The following TOMM70 variants were observed in gnomAD, a reference collection of about 807,000 sequenced individuals.
The protein encoded by TOMM70 is mitochondrial import receptor subunit TOM70.
In TOMM70, 13 loss-of-function variants were observed where a neutral mutation model predicts 73.6. The observed-to-expected ratio is 0.18, with a 90% CI of 0.11 to 0.28. TOMM70 has a LOEUF of 0.28. Ranked by LOEUF, TOMM70 falls within the 10% of genes least tolerant of loss-of-function variation. The pLI is 1.00. For synonymous variants in TOMM70, 257 were observed against 271.2 expected, an observed-to-expected ratio of 0.95 and a Z score of 0.51; for missense variants, 609 against 747.5, an observed-to-expected ratio of 0.81 and a Z score of 2.16.
At chr3:100,368,917 T>C in intron 10 of TOMM70, 121 bp downstream of exon 10, 1 of 674,250 alleles carries the variant, frequency 1.5e-6, no homozygotes, top group Non-Finnish European at 2.5e-6. Flanking sequence ...TCTAGGAGCA[T>C]TAAGAAGTTT....
At chr3:100,386,462 CAA>C in intron 2 of TOMM70, 118 bp from the exon 3 acceptor site, 1 of 1,098,470 alleles carries the variant, frequency 9.1e-7, no homozygotes, top group Non-Finnish European at 1.2e-6. Flanking sequence ...ATTCCTAATA[CAA>C]AGAGTTAATA....
At position 100,386,354 on chromosome 3, in the gene TOMM70, A is replaced by G. The variant is rs1706692360; in HGVS notation, c.499-10T>C. On this transcript the variant is annotated splice_polypyrimidine_tract_variant and intron_variant, in intron 2 of 11. Transcript: ENST00000284320. ...CTTCTTTCCATTTTTGCTGTAATTG[A>G]AAGTATTTAAAAAAAGTCACACTAA... 2 of 1,591,508 alleles carry G rather than the reference A, an allele frequency of 1.3e-6. No individual in the cohort carries two copies. Among genetic ancestry groups the G allele is most frequent in the Non-Finnish European group, 1.7e-6 (2 of 1,170,520 alleles).
chr3:100,367,565 G>C (rs1207148914), intron 11 of TOMM70, among the ~76,000 whole-genome samples: 1 of 152,144 alleles, frequency 6.6e-6, no homozygotes, highest in African/African-American at 2.4e-5. Flanking sequence ...AATTGAAATA[G>C]TACTTAGGAA....
At chr3:100,373,279 T>C (rs1401458416) in intron 8 of TOMM70, among the ~76,000 whole-genome samples, 1 of 152,172 alleles carries the variant, frequency 6.6e-6, no homozygotes. Flanking sequence ...TTGCTCTTTA[T>C]ATTGATTTAT....
chr3:100,399,826 C>T (rs1706870286), intron 1 of TOMM70, among the ~76,000 whole-genome samples: 1 of 150,870 alleles, frequency 6.6e-6, no homozygotes, highest in African/African-American at 2.4e-5. Flanking sequence ...TTGCTGTGGC[C>T]GCTACTCTTG....
chr3:100,389,671 G>A (rs1239235196), intron 1 of TOMM70, among the ~76,000 whole-genome samples: 2 of 152,194 alleles, frequency 1.3e-5, no homozygotes, highest in Non-Finnish European at 2.9e-5. Context: ...TGTCCAGATA[G>A]TTTTACTGAT....
rs188749212 is a variant in TOMM70, at chr3:100,391,146, A to C, written c.325-4168T>G. 2.1e-3 allele frequency among the ~76,000 whole-genome samples: 314 copies of C among 152,350 alleles called. 1 individual carries two copies. Among genetic ancestry groups the C allele is most frequent in the African/African-American group, 7.1e-3 (297 of 41,586 alleles). On this transcript the variant is annotated intron_variant, in intron 1 of 11. Coordinates refer to ENST00000284320, the MANE Select transcript of TOMM70 (RefSeq NM_014820.5). ...ACAGAGTAAGACTCCGTCTCAAAAA[A>C]AAAAGTATAGCAAATACAATAATGT...
chr3:100,370,641 G>A (rs1706498478), intron 9 of TOMM70, among the ~76,000 whole-genome samples: 1 of 151,756 alleles, frequency 6.6e-6, no homozygotes, highest in African/African-American at 2.4e-5. Flanking sequence ...GTTACACTAA[G>A]TATATATATA....
intron 1 of TOMM70, among the ~76,000 whole-genome samples, chr3:100,393,471 G>A (rs1706786379): frequency 6.8e-6 from 1 of 147,936 alleles, no homozygotes. Flanking sequence ...GCATGTAAGT[G>A]ATTAAAAAAA....
chr3:100,392,582 AT>A (rs1486976034), intron 1 of TOMM70, among the ~76,000 whole-genome samples: 2 of 151,814 alleles, frequency 1.3e-5, no homozygotes, highest in African/African-American at 4.8e-5. Context: ...TGCCAAGCTA[AT>A]TTTTGTATTT....
rs757909131 is a variant in TOMM70, at chr3:100,381,629, T to C, written c.870A>G (p.Leu290=). The C allele has an allele frequency of 1.2e-6, 2 of 1,613,272 alleles. No individual in the cohort carries two copies. Among genetic ancestry groups the C allele is most frequent in the Non-Finnish European group, 1.7e-6 (2 of 1,179,542 alleles). Residue 290 remains leucine (L), a synonymous_variant, in exon 5 of 12, where the codon TTA becomes TTG. Transcript: ENST00000284320. The part of the protein sequence containing the change: ...DEDKDKEGEA[L]EVKENSGYLK... Reference sequence around the variant, plus strand: ...GACATACTTACTTTTCTTTCACTTCTAAAGCCTCCCCTTCCTTGTCTTTAT... The same window carrying C: ...GACATACTTACTTTTCTTTCACTTCCAAAGCCTCCCCTTCCTTGTCTTTAT...
Position 100,375,139 on chromosome 3 carries a change from G to A in TOMM70, c.1106C>T (p.Ala369Val). 1.9e-6 allele frequency: 3 copies of A among 1,599,600 alleles called. No individual in the cohort carries two copies. The highest frequency in any genetic ancestry group is 2.6e-6 in the Non-Finnish European group (3 of 1,172,850). ...KEANVKLRAN[A>V]LIKRGSMYMQ... Reference sequence around the variant, plus strand: ...GTACATGCTGCCTCTTTTGATGAGAGCATTTGCTCGAAGCTATATACCCCA... The same window carrying A: ...GTACATGCTGCCTCTTTTGATGAGAACATTTGCTCGAAGCTATATACCCCA... The change falls in exon 7 of 12, where the codon GCT becomes GTT. Residue 369 changes from alanine (A) to valine (V), a missense_variant. By Grantham distance (64) the Ala-to-Val change is moderately conservative. Around this residue, in one of 2 missense-constraint regions of TOMM70, gnomAD observed 432 missense variants for 584.1 expected, o/e 0.74. Transcript: ENST00000284320.
chr3:100,390,348 T>C (rs748982083), intron 1 of TOMM70, among the ~76,000 whole-genome samples: 2 of 152,218 alleles, frequency 1.3e-5, no homozygotes, highest in Non-Finnish European at 2.9e-5. Context: ...TGTACAGTTA[T>C]ACACCACATA....
intron 10 of TOMM70, among the ~76,000 whole-genome samples, chr3:100,368,803 C>G (rs1706477097): frequency 6.6e-6 from 1 of 152,038 alleles, no homozygotes; most frequent in African/African-American, 2.4e-5. Context: ...TTCGAACTCC[C>G]AACCTCAGAT....
At chr3:100,391,468 T>C (rs1706760888) in intron 1 of TOMM70, among the ~76,000 whole-genome samples, 1 of 152,188 alleles carries the variant, frequency 6.6e-6, no homozygotes, top group African/African-American at 2.4e-5. Context: ...GGCTAATGTA[T>C]CTGTGTCTTA....
intron 11 of TOMM70, among the ~76,000 whole-genome samples, chr3:100,367,788 A>G (rs2148888396): frequency 6.6e-6 from 1 of 152,302 alleles, no homozygotes; most frequent in South Asian, 2.1e-4. Context: ...TTTTAAAGAA[A>G]ATTCAGGGGC....
intron 1 of TOMM70, among the ~76,000 whole-genome samples, chr3:100,397,347 A>G (rs1277490492): frequency 1.3e-5 from 2 of 152,366 alleles, no homozygotes; most frequent in Admixed American, 1.3e-4. Flanking sequence ...ACTGGTCACC[A>G]ACAGTTAAGA....
chr3:100,386,144 C>T, intron 3 of TOMM70, 74 bp downstream of exon 3: 7 of 1,487,562 alleles, frequency 4.7e-6, no homozygotes, highest in Non-Finnish European at 5.4e-6. Context: ...ACTCACAAGG[C>T]AGTTTCATAT....
At chr3:100,371,750 G>C (rs1310217620) in intron 9 of TOMM70, among the ~76,000 whole-genome samples, 1 of 152,178 alleles carries the variant, frequency 6.6e-6, no homozygotes, top group Non-Finnish European at 1.5e-5. Flanking sequence ...TGCATGGATG[G>C]GGGTAGGAGG....
Sources: allele counts gnomAD v4.1 joint callset (sites outside exome capture counted in the v4.1 genomes callset), GRCh38; gene constraint gnomAD v4.1.1; regional missense constraint gnomAD v4.1.1; transcripts MANE v1.5; gene names NCBI Gene and HGNC (gene_info 2026-07-23, HGNC 2026-07-21).